The following HMCN1 variants were observed in gnomAD, a reference collection of about 807,000 sequenced individuals.
HMCN1 encodes the protein hemicentin 1, also known as hemicentin-1.
HMCN1 carries 321 observed loss-of-function variants against 625.9 expected under a neutral mutation model. That is an observed-to-expected ratio of 0.51 (90% CI 0.47 to 0.56). HMCN1 has a LOEUF of 0.56. Ranked by LOEUF, HMCN1 falls within the 20% of genes least tolerant of loss-of-function variation. The pLI is 0.00. For missense variants in HMCN1, 6,588 were observed against 6,887.3 expected (o/e 0.96, Z 1.54); for synonymous variants, 2,425 against 2,417.6 (o/e 1.00, Z -0.09).
Position 186,106,882 on chromosome 1 carries a change from A to T in HMCN1, c.10771-2A>T, listed in dbSNP as rs992950969. The T allele has an allele frequency of 2.5e-6, 4 of 1,597,532 alleles. No individual in the cohort carries two copies. The highest frequency in any genetic ancestry group is 3.4e-6 in the Non-Finnish European group (4 of 1,164,826). ...ATGTAATTCATTATTTGGGTTTTGT[A>T]GGTGGAGGATACAGGAAGATATACA... On this transcript the variant is annotated splice_acceptor_variant, in intron 69 of 106. Coordinates refer to ENST00000271588, the MANE Select transcript of HMCN1 (RefSeq NM_031935.3). LOFTEE classifies it high-confidence loss of function.
intron 49 of HMCN1, among the ~76,000 whole-genome samples, chr1:186,067,452 C>G (rs1006314728): frequency 2.0e-5 from 3 of 152,260 alleles, no homozygotes; most frequent in South Asian, 4.1e-4. Flanking sequence ...TACCACTGAT[C>G]GTTTAAGGCT....
chr1:185,816,462 T>A (rs995253240), intron 1 of HMCN1, among the ~76,000 whole-genome samples: 4 of 152,198 alleles, frequency 2.6e-5, no homozygotes, highest in Admixed American at 2.0e-4. Context: ...CCAATGTATA[T>A]CAATATATTG....
chr1:185,842,753 A>G (rs1365934931), intron 1 of HMCN1, among the ~76,000 whole-genome samples: 1 of 152,022 alleles, frequency 6.6e-6, no homozygotes, highest in Non-Finnish European at 1.5e-5. Context: ...AACTTTAAAA[A>G]TATCTAGGCA....
chr1:185,879,633 A>G (rs1222753525), intron 4 of HMCN1, among the ~76,000 whole-genome samples: 1 of 152,186 alleles, frequency 6.6e-6, no homozygotes, highest in East Asian at 1.9e-4. Flanking sequence ...GCAAAAGTAG[A>G]TTAGGGCAGG....
At chr1:185,763,274 G>T (rs1274298036) in intron 1 of HMCN1, among the ~76,000 whole-genome samples, 2 of 152,038 alleles carry the variant, frequency 1.3e-5, no homozygotes, top group African/African-American at 4.8e-5. Flanking sequence ...ACAACCACAA[G>T]GTGAACTTAG....
At chr1:185,875,911 A>T (rs1047071898) in intron 4 of HMCN1, among the ~76,000 whole-genome samples, 17 of 151,846 alleles carry the variant, frequency 1.1e-4, no homozygotes, top group African/African-American at 3.9e-4. Flanking sequence ...TATTCACATT[A>T]TCCTACTTTA....
At chr1:186,067,391 C>T (rs2102332343) in intron 49 of HMCN1, among the ~76,000 whole-genome samples, 1 of 152,280 alleles carries the variant, frequency 6.6e-6, no homozygotes, top group East Asian at 1.9e-4. Context: ...TTTAATACTA[C>T]CATGCTCCCA....
intron 15 of HMCN1, among the ~76,000 whole-genome samples, chr1:185,974,938 T>G (rs1163490704): frequency 2.0e-5 from 3 of 152,188 alleles, no homozygotes; most frequent in Non-Finnish European, 2.9e-5. Context: ...CTTTCTTAGT[T>G]CTGAAAATTG....
chr1:185,857,467 G>GTA (rs1662538678), intron 2 of HMCN1, among the ~76,000 whole-genome samples: 1 of 147,490 alleles, frequency 6.8e-6, no homozygotes, highest in Non-Finnish European at 1.5e-5. Flanking sequence ...CCTTTCATTT[G>GTA]TGTGTGTGTG....
At chr1:185,950,932 G>A (rs1194439351) in intron 11 of HMCN1, among the ~76,000 whole-genome samples, 1 of 151,010 alleles carries the variant, frequency 6.6e-6, no homozygotes, top group African/African-American at 2.4e-5. Context: ...TTTAGGACAG[G>A]TAAAATGGGG....
intron 55 of HMCN1, among the ~76,000 whole-genome samples, chr1:186,079,623 G>A (rs886968977): frequency 1.3e-5 from 2 of 152,176 alleles, no homozygotes; most frequent in Non-Finnish European, 2.9e-5. Context: ...GTACCTTACA[G>A]GCCTAAATTT....
At chr1:186,113,885 A>G in intron 72 of HMCN1, 94 bp from the exon 73 acceptor site, 2 of 1,340,626 alleles carry the variant, frequency 1.5e-6, no homozygotes, top group Non-Finnish European at 2.1e-6. Flanking sequence ...TATACATTTG[A>G]CTCGAAGCTC....
At position 186,027,535 on chromosome 1, in the gene HMCN1, G is replaced by A. The variant is rs573917334; in HGVS notation, c.5749+4382G>A. ...CAATTAATAACTGCAGGATAAAAAC[G>A]TACATTCCTCATCTGTAAAATGGGA... On this transcript the variant is annotated intron_variant, in intron 36 of 106. Coordinates refer to ENST00000271588, the MANE Select transcript of HMCN1 (RefSeq NM_031935.3). Among the ~76,000 whole-genome samples, 14 of 152,224 alleles carry A rather than the reference G, an allele frequency of 9.2e-5. No individual in the cohort carries two copies. In the East Asian group the frequency reaches 1.5e-3, roughly 17 times the overall value.
chr1:185,744,628 A>C (rs1020878644), intron 1 of HMCN1, among the ~76,000 whole-genome samples: 1 of 152,204 alleles, frequency 6.6e-6, no homozygotes, highest in Admixed American at 6.5e-5. Flanking sequence ...ATACTATGCT[A>C]CCTTTTATAG....
chr1:186,015,116 C>T (rs1401402230), intron 30 of HMCN1, 43 bp from the exon 31 acceptor site: 4 of 1,567,714 alleles, frequency 2.6e-6, no homozygotes, highest in Non-Finnish European at 3.5e-6. Flanking sequence ...GATGAAGATG[C>T]TGAAACTTAG....
At chr1:185,796,861 A>G (rs1658421307) in intron 1 of HMCN1, among the ~76,000 whole-genome samples, 1 of 152,224 alleles carries the variant, frequency 6.6e-6, no homozygotes, top group Non-Finnish European at 1.5e-5. Context: ...GAAGGTACGC[A>G]GAAGTGGGAT....
intron 26 of HMCN1, 113 bp downstream of exon 26, chr1:186,000,352 C>T: frequency 1.3e-6 from 1 of 773,700 alleles, no homozygotes; most frequent in Non-Finnish European, 2.2e-6. Flanking sequence ...AGCAGTATTA[C>T]CAAACAGAAA....
In HMCN1 at chr1:186,067,835, A is replaced by G. The variant is rs1236753088; in HGVS notation, c.7707A>G (p.Val2569=). Reference sequence around the variant, plus strand: ...TCAACAAATTTTCATCTTTTTCAGTATCTCCTACAATTGCTGGTGTAGGTA... The same window carrying G: ...TCAACAAATTTTCATCTTTTTCAGTGTCTCCTACAATTGCTGGTGTAGGTA... ...KSRSFSLNVF[V]SPTIAGVGSD... The change falls in exon 50 of 107, where the codon GTA becomes GTG. Residue 2569 remains valine, a splice_region_variant and synonymous_variant. Coordinates refer to ENST00000271588, the MANE Select transcript of HMCN1 (RefSeq NM_031935.3). 6 of 1,606,172 alleles carry G rather than the reference A, an allele frequency of 3.7e-6. No individual in the cohort carries two copies. In the East Asian group the frequency reaches 6.7e-5, roughly 18 times the overall value.
chr1:185,966,280 A>G (rs1315126460), intron 14 of HMCN1, among the ~76,000 whole-genome samples: 1 of 152,176 alleles, frequency 6.6e-6, no homozygotes, highest in African/African-American at 2.4e-5. Flanking sequence ...TCTCACTATT[A>G]AAAAGTTTTC....
Sources: allele counts gnomAD v4.1 joint callset (sites outside exome capture counted in the v4.1 genomes callset), GRCh38; gene constraint gnomAD v4.1.1; transcripts MANE v1.5; gene names NCBI Gene and HGNC (gene_info 2026-07-23, HGNC 2026-07-21).